The following SLC18A1 variants were observed in gnomAD, a reference collection of about 807,000 sequenced individuals.
SLC18A1 encodes the protein solute carrier family 18 member A1.
SLC18A1 carries 69 observed loss-of-function variants against 53.7 expected under a neutral mutation model. The observed-to-expected ratio is 1.28, with a 90% CI of 1.06 to 1.57. SLC18A1 has a LOEUF of 1.57. Ranked by LOEUF, SLC18A1 falls within the 40% of genes most tolerant of loss-of-function variation. The pLI, the probability that SLC18A1 is intolerant of heterozygous loss-of-function variation, is 0.00. For missense variants in SLC18A1, 932 were observed against 668.1 expected (o/e 1.40, Z -4.35); for synonymous variants, 320 against 248.1 (o/e 1.29, Z -2.72).
chr8:20,154,789 T>C (rs908778101), intron 10 of SLC18A1, among the ~76,000 whole-genome samples: 2 of 152,154 alleles, frequency 1.3e-5, no homozygotes, highest in Non-Finnish European at 2.9e-5. Context: ...AACTGTACAC[T>C]CTTCTGGTCC....
chr8:20,171,902 G>A (rs1474640952), intron 6 of SLC18A1, among the ~76,000 whole-genome samples: 2 of 152,232 alleles, frequency 1.3e-5, no homozygotes, highest in East Asian at 1.9e-4. Context: ...ACACAGAGGT[G>A]TCAGAAAAGA....
In SLC18A1 at chr8:20,147,115, G is replaced by T. The variant is rs533150769; in HGVS notation, c.1464+143C>A. The T allele has an allele frequency of 6.1e-6, 5 of 826,352 alleles. No homozygotes were observed. The East Asian group carries it at 1.4e-4, about 23-fold the overall frequency. The allele number at this position is 826,352 out of a possible 1,614,324, so 51.2% of individuals were successfully genotyped here. On this transcript the variant is annotated intron_variant, in intron 15 of 15. Transcript: ENST00000276373. The stretch of plus-strand genomic sequence containing the variant: ...GCACAAAAGAAATATGAAGATGAAA[G>T]GGGATTGGGAAACATGGCAAAGCAG...
intron 7 of SLC18A1, 84 bp from the exon 8 acceptor site, chr8:20,171,230 A>G (rs1269026929): frequency 2.8e-6 from 4 of 1,449,580 alleles, no homozygotes; most frequent in Non-Finnish European, 3.9e-6. Context: ...CTACCACCCT[A>G]TTATGCATAA....
intron 4 of SLC18A1, among the ~76,000 whole-genome samples, chr8:20,176,920 T>G (rs1191899983): frequency 6.6e-6 from 1 of 152,182 alleles, no homozygotes; most frequent in Non-Finnish European, 1.5e-5. Context: ...GCACACCGCA[T>G]TGTCTTACTT....
intron 15 of SLC18A1, among the ~76,000 whole-genome samples, chr8:20,146,222 G>A (rs1032704914): frequency 2.6e-5 from 4 of 151,962 alleles, no homozygotes; most frequent in Non-Finnish European, 5.9e-5. Flanking sequence ...GCCAACCACC[G>A]CACATCTTTT....
At position 20,171,314 on chromosome 8, in the gene SLC18A1, G is replaced by T. The variant is rs564738396; in HGVS notation, c.814+91C>A. On this transcript the variant is annotated intron_variant, in intron 7 of 15. Transcript: ENST00000276373. ...TGATCCATCAAAACATGTCCAAACC[G>T]CCCATTCTTAGTGAAGACTGACACT... 1.5e-5 allele frequency: 20 copies of T among 1,337,932 alleles called. No homozygotes were observed. In the African/African-American group the frequency reaches 2.2e-4, roughly 14 times the overall value. The allele number at this position is 1,337,932 out of a possible 1,614,324, so 82.9% of individuals were successfully genotyped here.
chr8:20,164,066 A>C (rs1167553873), intron 10 of SLC18A1, among the ~76,000 whole-genome samples: 1 of 152,126 alleles, frequency 6.6e-6, no homozygotes, highest in African/African-American at 2.4e-5. Flanking sequence ...TCTTGCTTAG[A>C]ATTGCCCCCC....
At chr8:20,146,374 C>T (rs1173645335) in intron 15 of SLC18A1, among the ~76,000 whole-genome samples, 1 of 152,134 alleles carries the variant, frequency 6.6e-6, no homozygotes, top group East Asian at 1.9e-4. Context: ...CTTGTCAGGA[C>T]AAGTATCTCA....
chr8:20,172,019 T>A (rs2072135225), intron 6 of SLC18A1, among the ~76,000 whole-genome samples: 1 of 152,240 alleles, frequency 6.6e-6, no homozygotes, highest in Non-Finnish European at 1.5e-5. Context: ...TATATGCAGA[T>A]GAGTCATGTA....
chr8:20,171,060 C>A (rs1357614057), intron 8 of SLC18A1, 43 bp downstream of exon 8: 2 of 1,600,070 alleles, frequency 1.2e-6, no homozygotes, highest in African/African-American at 1.3e-5. Flanking sequence ...TGCATTCAGC[C>A]ATCCTGTATA....
In SLC18A1 at chr8:20,145,866, C is replaced by T. The variant is rs141910715; in HGVS notation, c.1475G>A (p.Ser492Asn). ...CCGGGTCTCCATGGGGCAGTCCTGA[C>T]TCAGAATAGCCTGCAGAGAGAGGCA... ...PAKEEKLAIL[S>N]QDCPMETRMY... Residue 492 changes from serine (S) to asparagine (N), a missense_variant, in exon 16 of 16, where the codon AGT becomes AAT. Transcript: ENST00000276373. 3 of 1,602,722 alleles carry T rather than the reference C, an allele frequency of 1.9e-6. No individual in the cohort carries two copies. Among genetic ancestry groups the T allele is most frequent in the African/African-American group, 2.7e-5 (2 of 74,460 alleles).
At chr8:20,166,584 A>G (rs1264120958) in intron 8 of SLC18A1, among the ~76,000 whole-genome samples, 2 of 151,288 alleles carry the variant, frequency 1.3e-5, no homozygotes, top group Non-Finnish European at 2.9e-5. Context: ...GGAGAGGGGG[A>G]GGGTTAGAAA....
chr8:20,178,150 A>C (rs151222523), intron 4 of SLC18A1, among the ~76,000 whole-genome samples: 3 of 148,156 alleles, frequency 2.0e-5, no homozygotes, highest in Non-Finnish European at 4.5e-5. Flanking sequence ...ACACACACAC[A>C]CCCCGTAGCA....
Position 20,150,693 on chromosome 8 carries a change from A to T in SLC18A1, c.1067T>A (p.Phe356Tyr). ...SVSYLIGTNL[F>Y]GVLANKMGRW... The stretch of plus-strand genomic sequence containing the variant: ...ACCCATCTTGTTGGCCAACACACCA[A>T]AGAGGTTGGTGCCAATGAGGTAGGA... Residue 356 changes from phenylalanine (F) to tyrosine (Y), a missense_variant, in exon 11 of 16, where the codon TTT becomes TAT. Transcript: ENST00000276373. The T allele has an allele frequency of 1.2e-6, 2 of 1,614,060 alleles. No individual in the cohort carries two copies. The highest frequency in any genetic ancestry group is 4.5e-5 in the East Asian group (2 of 44,866).
At chr8:20,164,367 G>A (rs578158586) in intron 10 of SLC18A1, among the ~76,000 whole-genome samples, 20 of 152,196 alleles carry the variant, frequency 1.3e-4, no homozygotes, top group African/African-American at 4.6e-4. Flanking sequence ...ATAACCAAAG[G>A]GTAGTCTTGA....
intron 10 of SLC18A1, among the ~76,000 whole-genome samples, chr8:20,161,773 A>G (rs981366159): frequency 8.5e-5 from 13 of 152,178 alleles, no homozygotes; most frequent in African/African-American, 3.1e-4. Context: ...CTTTGACTCC[A>G]TGTCCAAAAT....
Position 20,174,454 on chromosome 8 carries a change from G to C in SLC18A1, c.548-10C>G. 6.2e-7 allele frequency: 1 copy of C among 1,607,068 alleles called. No individual in the cohort carries two copies. The highest frequency in any genetic ancestry group is 8.5e-7 in the Non-Finnish European group (1 of 1,173,816). ...CCAGAAAAAGCAAACACTGGGCAGA[G>C]AGAATAGCAAGATAACTGCAGTTAG... On this transcript the variant is annotated splice_polypyrimidine_tract_variant and intron_variant, in intron 4 of 15. Coordinates refer to ENST00000276373, the MANE Select transcript of SLC18A1 (RefSeq NM_003053.4).
intron 4 of SLC18A1, 47 bp downstream of exon 4, chr8:20,178,388 T>C: frequency 6.7e-7 from 1 of 1,481,610 alleles, no homozygotes; most frequent in Non-Finnish European, 9.3e-7. Context: ...CTTGATAAAA[T>C]CAAAGGTAAT....
In SLC18A1 at chr8:20,178,592, T is replaced by C. The variant is rs1185591081; in HGVS notation, c.489-99A>G. The stretch of plus-strand genomic sequence containing the variant: ...TAAGTGGGAGCAGAAATGCAGCTAT[T>C]TGGGTGTATGGTAAAACATGCCTCT... On this transcript the variant is annotated intron_variant, in intron 3 of 15. Coordinates refer to ENST00000276373, the MANE Select transcript of SLC18A1 (RefSeq NM_003053.4). 3 of 847,970 alleles carry C rather than the reference T, an allele frequency of 3.5e-6. No individual in the cohort carries two copies. The African/African-American group carries it at 5.1e-5, about 15-fold the overall frequency. The allele number at this position is 847,970 out of a possible 1,614,324, so 52.5% of individuals were successfully genotyped here.
Sources: allele counts gnomAD v4.1 joint callset (sites outside exome capture counted in the v4.1 genomes callset), GRCh38; gene constraint gnomAD v4.1.1; transcripts MANE v1.5; gene names NCBI Gene and HGNC (gene_info 2026-07-23, HGNC 2026-07-21).